Variants in SORCS2 observed in about 807,000 individuals in gnomAD.
SORCS2 encodes the protein sortilin related VPS10 domain containing receptor 2, also known as VPS10 domain-containing receptor SorCS2.
Under a neutral mutation model 141.6 loss-of-function variants are expected in SORCS2, and 100 were observed. The ratio of observed to expected loss-of-function variants is 0.71; its 90% CI spans 0.60 to 0.83. The LOEUF is 0.83. SORCS2 is among the 40% of genes least tolerant of loss of function. SORCS2 has a pLI of 0.00. For synonymous variants in SORCS2, 789 were observed against 676.9 expected (o/e 1.17, Z -2.57); for missense variants, 1,646 against 1,560.2 (o/e 1.05, Z -0.93).
intron 1 of SORCS2, among the ~76,000 whole-genome samples, chr4:7,374,158 T>TCTTTCTTTCTTTCTTTCTTTCTTTCTTC (rs1560229340): frequency 6.8e-6 from 1 of 147,818 alleles, no homozygotes; most frequent in African/African-American, 2.5e-5. Flanking sequence ...TTTCTTTCTT[T>TCTTTCTTTCTTTCTTTCTTTCTTTCTTC]CTTTCTTTCT....
intron 1 of SORCS2, among the ~76,000 whole-genome samples, chr4:7,261,428 C>T (rs759569938): frequency 5.9e-5 from 9 of 152,198 alleles, no homozygotes; most frequent in South Asian, 2.1e-4. Context: ...GCCTGCGTGG[C>T]CAAGGCATGA....
intron 3 of SORCS2, among the ~76,000 whole-genome samples, chr4:7,588,157 C>A (rs2108770149): frequency 6.6e-6 from 1 of 152,282 alleles, no homozygotes; most frequent in Admixed American, 6.5e-5. Context: ...GGCTTGTTAA[C>A]CAGAACATCT....
At chr4:7,602,340 A>C (rs921556394) in intron 3 of SORCS2, among the ~76,000 whole-genome samples, 1 of 149,506 alleles carries the variant, frequency 6.7e-6, no homozygotes, top group Non-Finnish European at 1.5e-5. Flanking sequence ...CTGGGCGGAG[A>C]CGCTCCTCAC....
rs1712577209 is a variant in SORCS2 at position 7,740,471 on chromosome 4, A to G, written c.*207A>G. The G allele has an allele frequency of 3.4e-6, 2 of 583,672 alleles. No individual in the cohort carries two copies. The highest frequency in any genetic ancestry group is 4.0e-5 in the South Asian group (2 of 50,340). The allele number at this position is 583,672 out of a possible 1,614,324, so 36.2% of individuals were successfully genotyped here. On this transcript the variant is annotated 3_prime_UTR_variant, in exon 27 of 27. Coordinates refer to ENST00000507866, the MANE Select transcript of SORCS2 (RefSeq NM_020777.3). ...CGGGACCCCCCGGGACTCCCCGGAC[A>G]TGGCCCTGCCCCTATGGGACACCAG... is the stretch of plus-strand genomic sequence containing the variant.
chr4:7,579,797 G>C (rs968444177), intron 3 of SORCS2, among the ~76,000 whole-genome samples: 1 of 152,164 alleles, frequency 6.6e-6, no homozygotes, highest in African/African-American at 2.4e-5. Flanking sequence ...CACATCTGGG[G>C]CTCCTAGCAC....
intron 4 of SORCS2, 121 bp downstream of exon 4, chr4:7,638,613 C>A (rs1199714461): frequency 2.9e-6 from 3 of 1,031,710 alleles, no homozygotes; most frequent in Non-Finnish European, 2.7e-6. Context: ...TGAGGAGGAG[C>A]CTCCCGGGGC....
intron 1 of SORCS2, among the ~76,000 whole-genome samples, chr4:7,292,894 A>T (rs1317888038): frequency 6.6e-6 from 1 of 152,242 alleles, no homozygotes. Flanking sequence ...GCCCATGCTT[A>T]TTAGAAAATA....
chr4:7,697,242 A>G lies in SORCS2; in HGVS notation c.1636A>G (p.Ile546Val), dbSNP rs201276538. The part of the protein sequence containing the change: ...QLVEYKEEMY[I>V]TSDCGHTWRQ... ...GGTGGAATATAAAGAAGAAATGTAC[A>G]TCACGTCAGACTGTGGTCACACCTG... Residue 546 changes from isoleucine to valine, a missense_variant, in exon 12 of 27, where the codon ATC (isoleucine) becomes GTC (valine). By Grantham distance (29) the Ile-to-Val change is conservative. Coordinates refer to ENST00000507866, the MANE Select transcript of SORCS2 (RefSeq NM_020777.3). 3,384 of 1,591,650 alleles carry G rather than the reference A, an allele frequency of 2.1e-3. 7 individuals carry two copies. Among genetic ancestry groups the G allele is most frequent in the Non-Finnish European group, 2.8e-3 (3,276 of 1,169,392 alleles).
chr4:7,655,357 A>G (rs1287148300), intron 5 of SORCS2, among the ~76,000 whole-genome samples: 2 of 152,196 alleles, frequency 1.3e-5, no homozygotes, highest in African/African-American at 2.4e-5. Context: ...CCGAGGGCTC[A>G]GGGCTGGAAG....
chr4:7,718,948 T>C (rs187138010), intron 18 of SORCS2, among the ~76,000 whole-genome samples: 1 of 152,378 alleles, frequency 6.6e-6, no homozygotes, highest in Non-Finnish European at 1.5e-5. Flanking sequence ...ATGCTCATTG[T>C]AGCAAATTCA....
chr4:7,224,035 G>C (rs1022497877), intron 1 of SORCS2, among the ~76,000 whole-genome samples: 3 of 152,202 alleles, frequency 2.0e-5, no homozygotes, highest in African/African-American at 4.8e-5. Flanking sequence ...AGAGGGTGGG[G>C]CTGCTGAGTG....
At chr4:7,722,625 G>A (rs1326643189) in intron 18 of SORCS2, among the ~76,000 whole-genome samples, 1 of 152,106 alleles carries the variant, frequency 6.6e-6, no homozygotes, top group African/African-American at 2.4e-5. Flanking sequence ...TTACACAGAT[G>A]CCTGTCACTG....
chr4:7,381,116 A>AATGACAGCT (rs993306191), intron 1 of SORCS2, among the ~76,000 whole-genome samples: 3 of 151,158 alleles, frequency 2.0e-5, no homozygotes, highest in African/African-American at 7.3e-5. Flanking sequence ...GTTAATTAAC[A>AATGACAGCT]ATGACAGCTT....
At chr4:7,578,518 A>G (rs10011252) in intron 3 of SORCS2, among the ~76,000 whole-genome samples, 12,927 of 152,250 alleles carry the variant, frequency 0.085, 772 homozygotes, top group African/African-American at 0.16. Flanking sequence ...CTTCCAGTTA[A>G]TTTGTCCTGC....
chr4:7,418,713 C>T (rs1205859705), intron 2 of SORCS2, among the ~76,000 whole-genome samples: 5 of 50,614 alleles, frequency 9.9e-5, no homozygotes, highest in East Asian at 4.6e-4. Context: ...CCCCCCCCCC[C>T]ACCAGATTTG....
intron 1 of SORCS2, among the ~76,000 whole-genome samples, chr4:7,236,982 ACCTGGG>A (rs1712327555): frequency 2.6e-5 from 4 of 152,202 alleles, no homozygotes; most frequent in Non-Finnish European, 5.9e-5. Context: ...TGCTGAGCCC[ACCTGGG>A]AAAGACTGGT....
At position 7,703,330 on chromosome 4, in the gene SORCS2, C is replaced by G; in HGVS notation, c.1719C>G (p.Ile573Met). 1.2e-6 allele frequency: 2 copies of G among 1,613,412 alleles called. No individual in the cohort carries two copies. Among genetic ancestry groups the G allele is most frequent in the Non-Finnish European group, 1.7e-6 (2 of 1,179,660 alleles). ...TGTACCTGGACCACGGCGGCGTGATCGTGGCCATCAAAGACACCTCCATCC... is the reference window on the plus strand; with the variant it reads ...TGTACCTGGACCACGGCGGCGTGATGGTGGCCATCAAAGACACCTCCATCC... Reference protein sequence around the residue: ...HILYLDHGGVIVAIKDTSIPL... With the variant: ...HILYLDHGGVMVAIKDTSIPL... The change falls in exon 13 of 27, where the codon ATC becomes ATG. Residue 573 changes from isoleucine to methionine, a missense_variant. Transcript: ENST00000507866.
At chr4:7,543,549 A>T (rs1290921561) in intron 3 of SORCS2, among the ~76,000 whole-genome samples, 1 of 142,974 alleles carries the variant, frequency 7.0e-6, no homozygotes. Context: ...CCATCCGTCC[A>T]TCCATGCACC....
intron 2 of SORCS2, among the ~76,000 whole-genome samples, chr4:7,421,187 G>A (rs1726021016): frequency 6.6e-6 from 1 of 152,196 alleles, no homozygotes; most frequent in Admixed American, 6.5e-5. Context: ...AAGGCACTGG[G>A]CTCTGCAGTG....
Sources: gnomAD v4.1 joint callset for allele counts (sites outside exome capture counted in the v4.1 genomes callset) on GRCh38, gnomAD v4.1.1 for gene constraint, MANE v1.5 for transcripts, NCBI Gene and HGNC (gene_info 2026-07-23, HGNC 2026-07-21) for gene names.